INPP4B: variants seen among roughly 807,000 people sequenced by gnomAD.
INPP4B encodes inositol polyphosphate-4-phosphatase type II B.
In INPP4B, 55 loss-of-function variants were observed where a neutral mutation model predicts 122.5. The observed-to-expected ratio is 0.45, with a 90% CI of 0.36 to 0.56. The LOEUF is 0.56. INPP4B is among the 20% of genes least tolerant of loss of function. INPP4B has a pLI of 0.00. For missense variants in INPP4B, 1,000 were observed against 1,097.7 expected, an observed-to-expected ratio of 0.91 and a Z score of 1.26; for synonymous variants, 403 against 388.7, an observed-to-expected ratio of 1.04 and a Z score of -0.43.
At chr4:142,112,816 C>A in intron 21 of INPP4B, 134 bp from the exon 22 acceptor site, 1 of 673,684 alleles carries the variant, frequency 1.5e-6, no homozygotes, top group Admixed American at 3.4e-5. Context: ...TGCTTATATT[C>A]CTCATTCATT....
intron 2 of INPP4B, among the ~76,000 whole-genome samples, chr4:142,604,547 G>A (rs181642549): frequency 6.6e-6 from 1 of 152,144 alleles, no homozygotes; most frequent in Admixed American, 6.6e-5. Flanking sequence ...TAAAATCAAT[G>A]TGCAAAAATC....
In INPP4B at chr4:142,710,553, T is replaced by C. The variant is rs533174131; in HGVS notation, c.-191+15286A>G. Among the ~76,000 whole-genome samples the C allele has an allele frequency of 4.6e-5, 7 of 152,324 alleles. No individual in the cohort carries two copies. In the East Asian group the frequency reaches 7.7e-4, roughly 17 times the overall value. On this transcript the variant is annotated intron_variant, in intron 2 of 25. Transcript: ENST00000262992. Reference sequence around the variant, plus strand: ...ATAATAAAGAGGAGAATGGAAAATATGAGTGTACTGCACATATAAAAAGTA... The same window carrying C: ...ATAATAAAGAGGAGAATGGAAAATACGAGTGTACTGCACATATAAAAAGTA...
chr4:142,807,218 G>GATAT (rs71588205), intron 1 of INPP4B, among the ~76,000 whole-genome samples: 2 of 151,976 alleles, frequency 1.3e-5, no homozygotes, highest in Non-Finnish European at 2.9e-5. Flanking sequence ...TGAAACATGG[G>GATAT]ATATATATAT....
Position 142,081,972 on chromosome 4 carries a change from A to C in INPP4B, c.2642+59T>G, listed in dbSNP as rs896461855. On this transcript the variant is annotated intron_variant, in intron 25 of 25. Transcript: ENST00000262992. Reference sequence around the variant, plus strand: ...AATAAAATATGTATTTTGAAAAAAAAAATAAAAACAACTCAAAATGACCTT... The same window carrying C: ...AATAAAATATGTATTTTGAAAAAAACAATAAAAACAACTCAAAATGACCTT... 7.8e-5 allele frequency: 98 copies of C among 1,263,390 alleles called. No individual in the cohort carries two copies. In the Admixed American group the frequency reaches 2.5e-3, roughly 33 times the overall value. 78.3% of individuals were successfully genotyped at this position (1,263,390 alleles called of 1,614,324 possible).
At chr4:142,361,694 T>C (rs1579846116) in intron 7 of INPP4B, among the ~76,000 whole-genome samples, 1 of 151,984 alleles carries the variant, frequency 6.6e-6, no homozygotes. Flanking sequence ...AATTATATCA[T>C]GTATTTATTG....
intron 1 of INPP4B, among the ~76,000 whole-genome samples, chr4:142,742,019 C>T (rs1368968774): frequency 6.6e-6 from 1 of 151,880 alleles, no homozygotes; most frequent in African/African-American, 2.4e-5. Context: ...GAAATTTGCA[C>T]CAAGAAGCTA....
intron 9 of INPP4B, among the ~76,000 whole-genome samples, chr4:142,295,413 T>A (rs1379176912): frequency 6.6e-6 from 1 of 152,138 alleles, no homozygotes; most frequent in Non-Finnish European, 1.5e-5. Context: ...TTCATTTGGG[T>A]GAGGATCACA....
At chr4:142,803,923 G>C (rs1032386418) in intron 1 of INPP4B, among the ~76,000 whole-genome samples, 4 of 152,028 alleles carry the variant, frequency 2.6e-5, no homozygotes, top group Non-Finnish European at 4.4e-5. Flanking sequence ...GCTGGGCATG[G>C]CGGCATGTGC....
chr4:142,208,091 C>T (rs940110115), intron 14 of INPP4B, among the ~76,000 whole-genome samples: 2 of 151,908 alleles, frequency 1.3e-5, no homozygotes, highest in Non-Finnish European at 2.9e-5. Context: ...AAAATATGAA[C>T]AAATTTTGTT....
chr4:142,781,907 C>T (rs1015894757), intron 1 of INPP4B, among the ~76,000 whole-genome samples: 1 of 152,064 alleles, frequency 6.6e-6, no homozygotes, highest in African/African-American at 2.4e-5. Flanking sequence ...GCTTTACTTA[C>T]TGGTCACTGG....
intron 1 of INPP4B, among the ~76,000 whole-genome samples, chr4:142,728,899 G>T (rs1365963286): frequency 6.6e-6 from 1 of 151,936 alleles, no homozygotes; most frequent in Non-Finnish European, 1.5e-5. Context: ...ACATGTCTTC[G>T]GCCAACAAGA....
intron 2 of INPP4B, among the ~76,000 whole-genome samples, chr4:142,520,998 A>G (rs1481044523): frequency 1.3e-5 from 2 of 151,850 alleles, no homozygotes; most frequent in Non-Finnish European, 2.9e-5. Context: ...CTCTCCCTTG[A>G]CCCCAAACCT....
chr4:142,694,041 T>C (rs899533111), intron 2 of INPP4B, among the ~76,000 whole-genome samples: 2 of 152,080 alleles, frequency 1.3e-5, no homozygotes, highest in Admixed American at 1.3e-4. Flanking sequence ...AAAGAAAAAG[T>C]AAGTGCTTAA....
chr4:142,184,364 A>C (rs1244746982), intron 15 of INPP4B, among the ~76,000 whole-genome samples: 4 of 152,174 alleles, frequency 2.6e-5, no homozygotes, highest in African/African-American at 9.7e-5. Context: ...AGGAAACACT[A>C]ATGTTATACC....
intron 2 of INPP4B, among the ~76,000 whole-genome samples, chr4:142,621,289 G>A (rs1237443769): frequency 6.6e-6 from 1 of 151,826 alleles, no homozygotes; most frequent in African/African-American, 2.4e-5. Context: ...GAGAAACTTA[G>A]CAGTAGAGAG....
intron 1 of INPP4B, among the ~76,000 whole-genome samples, chr4:142,822,838 T>C (rs1349267311): frequency 1.3e-5 from 2 of 152,166 alleles, no homozygotes; most frequent in Non-Finnish European, 2.9e-5. Flanking sequence ...TCTGTTTCAG[T>C]CAATAGGCAA....
chr4:142,820,930 T>A (rs1326842983), intron 1 of INPP4B, among the ~76,000 whole-genome samples: 2 of 152,176 alleles, frequency 1.3e-5, no homozygotes, highest in South Asian at 2.1e-4. Context: ...TTATTCTAAT[T>A]TCAATGCTTT....
chr4:142,267,379 G>A (rs1017126438), intron 10 of INPP4B, among the ~76,000 whole-genome samples: 2 of 151,898 alleles, frequency 1.3e-5, no homozygotes, highest in Non-Finnish European at 2.9e-5. Context: ...TTGACCGATG[G>A]AACAGGGCAG....
chr4:142,289,779 C>T (rs142745738), intron 9 of INPP4B, among the ~76,000 whole-genome samples: 119 of 152,302 alleles, frequency 7.8e-4, no homozygotes, highest in African/African-American at 2.7e-3. Flanking sequence ...TGTCTTACCA[C>T]AGCTTCCCCT....
Sources: gnomAD v4.1 joint callset for allele counts (sites outside exome capture counted in the v4.1 genomes callset) on GRCh38, gnomAD v4.1.1 for gene constraint, MANE v1.5 for transcripts, NCBI Gene and HGNC (gene_info 2026-07-23, HGNC 2026-07-21) for gene names.